CHKA: variants seen among roughly 807,000 people sequenced by gnomAD.
CHKA encodes CHETK-alpha.
A neutral mutation model predicts 60.1 loss-of-function variants in CHKA; 34 were observed. That is an observed-to-expected ratio of 0.57 (90% CI 0.43 to 0.75). CHKA has a LOEUF of 0.75. CHKA is among the 30% of genes least tolerant of loss of function. The pLI is 0.00. For synonymous variants in CHKA, 217 were observed against 223.1 expected (o/e 0.97, Z 0.24); for missense variants, 563 against 561.3 (o/e 1.00, Z -0.03).
At chr11:68,095,129 G>A (rs1857456409) in intron 2 of CHKA, among the ~76,000 whole-genome samples, 1 of 152,122 alleles carries the variant, frequency 6.6e-6, no homozygotes, top group African/African-American at 2.4e-5. Flanking sequence ...TCAGGGCCAG[G>A]CGCGGTGGCT....
At chr11:68,120,678 C>A (rs983501453) in intron 1 of CHKA, 150 bp downstream of exon 1, 1 of 273,576 alleles carries the variant, frequency 3.7e-6, no homozygotes. Flanking sequence ...GGGCTTTCGC[C>A]GGCTGCGGTC....
intron 1 of CHKA, among the ~76,000 whole-genome samples, chr11:68,107,511 T>G (rs1410341323): frequency 6.6e-6 from 1 of 152,044 alleles, no homozygotes; most frequent in African/African-American, 2.4e-5. Context: ...GCTCAAAATC[T>G]TCCTCGTTTC....
intron 1 of CHKA, among the ~76,000 whole-genome samples, chr11:68,097,398 G>T (rs886172415): frequency 2.6e-5 from 4 of 152,186 alleles, no homozygotes; most frequent in African/African-American, 9.7e-5. Flanking sequence ...ACTTTGGGAG[G>T]CCGAGGCGGG....
At chr11:68,073,315 C>A (rs1271939937) in intron 4 of CHKA, among the ~76,000 whole-genome samples, 1 of 152,150 alleles carries the variant, frequency 6.6e-6, no homozygotes. Context: ...TATATTGCCA[C>A]TTATAACCAT....
At chr11:68,116,893 T>C (rs1590889402) in intron 1 of CHKA, among the ~76,000 whole-genome samples, 1 of 152,128 alleles carries the variant, frequency 6.6e-6, no homozygotes, top group Non-Finnish European at 1.5e-5. Context: ...ATACCACTCA[T>C]AGTTGAAGAG....
intron 1 of CHKA, among the ~76,000 whole-genome samples, chr11:68,103,613 TA>T (rs915185646): frequency 4.3e-4 from 63 of 146,466 alleles, no homozygotes; most frequent in Non-Finnish European, 4.7e-4. Context: ...AAAGCAAGTT[TA>T]AAAAAAAAAA....
At chr11:68,105,332 C>G (rs897478577) in intron 1 of CHKA, among the ~76,000 whole-genome samples, 5 of 151,272 alleles carry the variant, frequency 3.3e-5, no homozygotes, top group African/African-American at 9.7e-5. Flanking sequence ...CTGGCAAACA[C>G]GGTGAAACCC....
intron 2 of CHKA, among the ~76,000 whole-genome samples, chr11:68,090,513 G>C (rs1565186245): frequency 6.6e-6 from 1 of 152,174 alleles, no homozygotes; most frequent in Non-Finnish European, 1.5e-5. Flanking sequence ...TTTCTCAGTA[G>C]CTGGTAGTTT....
At chr11:68,070,588 T>A in intron 5 of CHKA, 136 bp downstream of exon 5, 1 of 904,974 alleles carries the variant, frequency 1.1e-6, no homozygotes. Context: ...ATGAGACAAG[T>A]ATCACCAGCT....
intron 3 of CHKA, among the ~76,000 whole-genome samples, chr11:68,080,604 C>T (rs1006751716): frequency 1.3e-5 from 2 of 152,186 alleles, no homozygotes; most frequent in African/African-American, 4.8e-5. Flanking sequence ...CCTCAGCCTC[C>T]CAAAATGCTG....
At chr11:68,102,499 C>T (rs574356001) in intron 1 of CHKA, among the ~76,000 whole-genome samples, 3 of 152,214 alleles carry the variant, frequency 2.0e-5, no homozygotes, top group Non-Finnish European at 2.9e-5. Context: ...GGATATCGCA[C>T]GCACAAGAAT....
chr11:68,114,688 C>T (rs1170833691), intron 1 of CHKA, among the ~76,000 whole-genome samples: 2 of 149,082 alleles, frequency 1.3e-5, no homozygotes, highest in African/African-American at 2.5e-5. Flanking sequence ...CAGAGCGAGA[C>T]TCTGTCTCGG....
intron 3 of CHKA, among the ~76,000 whole-genome samples, chr11:68,075,776 G>A (rs922565136): frequency 1.3e-5 from 2 of 152,028 alleles, no homozygotes; most frequent in South Asian, 2.1e-4. Context: ...CACCACCACC[G>A]AAGTCTCTTT....
intron 1 of CHKA, among the ~76,000 whole-genome samples, chr11:68,110,010 G>C (rs1460014438): frequency 6.6e-6 from 1 of 152,042 alleles, no homozygotes; most frequent in Non-Finnish European, 1.5e-5. Flanking sequence ...ACAGGCTAAA[G>C]AAGAAAAATC....
At chr11:68,097,183 C>T (rs1857542236) in intron 1 of CHKA, 53 bp from the exon 2 acceptor site, 2 of 1,359,678 alleles carry the variant, frequency 1.5e-6, no homozygotes, top group Admixed American at 1.8e-5. Flanking sequence ...AGCTAAATCA[C>T]TCTTCTTGGA....
intron 2 of CHKA, among the ~76,000 whole-genome samples, chr11:68,090,264 G>C (rs1857307432): frequency 6.6e-6 from 1 of 152,184 alleles, no homozygotes; most frequent in Admixed American, 6.5e-5. Flanking sequence ...TTCTGAGAAG[G>C]AAGTTTTGAC....
intron 2 of CHKA, among the ~76,000 whole-genome samples, chr11:68,092,566 A>T (rs553214935): frequency 5.3e-5 from 8 of 152,324 alleles, no homozygotes; most frequent in Non-Finnish European, 8.8e-5. Flanking sequence ...CGCATCTTAG[A>T]AGCTTCTAAG....
chr11:68,066,076 C>A (rs7928739), intron 8 of CHKA, among the ~76,000 whole-genome samples, 182 bp from the exon 9 acceptor site: 80,257 of 151,988 alleles, frequency 0.53, 22,690 homozygotes, highest in Middle Eastern at 0.71. Flanking sequence ...GGTTGATCAG[C>A]ATCACAGCTG....
chr11:68,108,707 G>A (rs1858013880), intron 1 of CHKA, among the ~76,000 whole-genome samples: 3 of 152,282 alleles, frequency 2.0e-5, no homozygotes, highest in Admixed American at 2.0e-4. Flanking sequence ...TCATGCCACT[G>A]CACTCCAGCC....
Sources: allele counts gnomAD v4.1 joint callset (sites outside exome capture counted in the v4.1 genomes callset), GRCh38; gene constraint gnomAD v4.1.1; transcripts MANE v1.5; gene names NCBI Gene and HGNC (gene_info 2026-07-23, HGNC 2026-07-21).